CSMD1: variants seen among roughly 807,000 people sequenced by gnomAD.
CSMD1 encodes CUB and sushi domain-containing protein 1.
Under a neutral mutation model 417.5 loss-of-function variants are expected in CSMD1, and 213 were observed. The observed-to-expected ratio is 0.51, with a 90% CI of 0.46 to 0.57. The LOEUF (loss-of-function observed/expected upper bound fraction) is 0.57. CSMD1 is among the 20% of genes least tolerant of loss of function. CSMD1 has a pLI of 0.00. For missense variants in CSMD1, 6,923 were observed against 4,529.7 expected, an observed-to-expected ratio of 1.53 and a Z score of -15.17; for synonymous variants, 2,862 against 1,736.8, an observed-to-expected ratio of 1.65 and a Z score of -16.11.
intron 25 of CSMD1, among the ~76,000 whole-genome samples, chr8:3,303,276 C>G (rs549358011): frequency 6.6e-6 from 1 of 152,102 alleles, no homozygotes; most frequent in South Asian, 2.1e-4. Flanking sequence ...AAGTGTATTT[C>G]CTACTGGGAT....
intron 1 of CSMD1, among the ~76,000 whole-genome samples, chr8:4,690,558 A>T (rs185023687): frequency 6.6e-6 from 1 of 152,314 alleles, no homozygotes; most frequent in Admixed American, 6.5e-5. Flanking sequence ...CGCACTTCAG[A>T]AAAAGGATGA....
At chr8:3,734,352 G>A (rs190356853) in intron 6 of CSMD1, among the ~76,000 whole-genome samples, 4 of 152,148 alleles carry the variant, frequency 2.6e-5, no homozygotes, top group African/African-American at 7.2e-5. Context: ...AGGGCTGTTC[G>A]ACAGCATCGT....
rs569069626 is a variant in CSMD1, at chr8:4,755,993, G to C, written c.86-118435C>G. On this transcript the variant is annotated intron_variant, in intron 1 of 69. Transcript: ENST00000635120. Reference sequence around the variant, plus strand: ...ATCAAACTATATGATGAATTATTTAGTATGTGTGAGTATTAAGTCATTTGC... The same window carrying C: ...ATCAAACTATATGATGAATTATTTACTATGTGTGAGTATTAAGTCATTTGC... Among the ~76,000 whole-genome samples the C allele has an allele frequency of 1.2e-4, 19 of 152,258 alleles. No individual in the cohort carries two copies. In the South Asian group the frequency reaches 3.9e-3, roughly 32 times the overall value.
intron 3 of CSMD1, among the ~76,000 whole-genome samples, chr8:4,038,053 A>G (rs1298511573): frequency 6.6e-6 from 1 of 152,152 alleles, no homozygotes; most frequent in African/African-American, 2.4e-5. Context: ...GAGGCTTAAA[A>G]TTAATTCAAA....
At chr8:4,338,378 T>G (rs1712137049) in intron 3 of CSMD1, among the ~76,000 whole-genome samples, 1 of 152,114 alleles carries the variant, frequency 6.6e-6, no homozygotes. Context: ...ATCTTATGTT[T>G]GCAAATTACG....
intron 1 of CSMD1, among the ~76,000 whole-genome samples, chr8:4,654,844 C>G (rs756960143): frequency 5.3e-5 from 8 of 151,958 alleles, no homozygotes; most frequent in Non-Finnish European, 1.0e-4. Flanking sequence ...TTAAAGACAA[C>G]AAATAATGAT....
chr8:3,105,796 A>G (rs1816095269), intron 46 of CSMD1, among the ~76,000 whole-genome samples: 1 of 152,258 alleles, frequency 6.6e-6, no homozygotes, highest in Non-Finnish European at 1.5e-5. Context: ...TGCATCAAAA[A>G]TATAGCGTAG....
intron 1 of CSMD1, among the ~76,000 whole-genome samples, chr8:4,917,549 G>C (rs927371637): frequency 6.6e-6 from 1 of 152,178 alleles, no homozygotes; most frequent in African/African-American, 2.4e-5. Context: ...CAGGAGAATC[G>C]CTTGAACCCA....
intron 1 of CSMD1, among the ~76,000 whole-genome samples, chr8:4,846,230 A>C (rs1801138112): frequency 6.6e-6 from 1 of 152,226 alleles, no homozygotes; most frequent in African/African-American, 2.4e-5. Context: ...GACCTGTACA[A>C]AAAATATAGC....
intron 1 of CSMD1, among the ~76,000 whole-genome samples, chr8:4,810,740 T>C (rs1441452802): frequency 6.6e-6 from 1 of 152,244 alleles, no homozygotes; most frequent in Non-Finnish European, 1.5e-5. Flanking sequence ...TGTAACAATA[T>C]ATTTGCTCTG....
chr8:2,955,564 T>C (rs1468342854), intron 64 of CSMD1, 25 bp downstream of exon 64: 1 of 1,610,888 alleles, frequency 6.2e-7, no homozygotes, highest in Non-Finnish European at 8.5e-7. Flanking sequence ...TGGAAAAGTA[T>C]GCCACTCCTT....
At chr8:4,601,453 G>T (rs1462883699) in intron 2 of CSMD1, among the ~76,000 whole-genome samples, 1 of 152,112 alleles carries the variant, frequency 6.6e-6, no homozygotes, top group African/African-American at 2.4e-5. Flanking sequence ...CATCTCATCT[G>T]TTCCTGAATG....
At chr8:3,644,734 G>T (rs1052453827) in intron 7 of CSMD1, among the ~76,000 whole-genome samples, 1 of 152,008 alleles carries the variant, frequency 6.6e-6, no homozygotes, top group African/African-American at 2.4e-5. Context: ...TGTCAGGGGG[G>T]TGCAGTGCCA....
At chr8:4,290,552 A>C (rs957036789) in intron 3 of CSMD1, among the ~76,000 whole-genome samples, 11 of 152,192 alleles carry the variant, frequency 7.2e-5, no homozygotes, top group African/African-American at 2.7e-4. Context: ...AAAGATGAAG[A>C]AGGGCCATTC....
chr8:4,633,215 G>C (rs910847519), intron 2 of CSMD1, among the ~76,000 whole-genome samples: 1 of 151,906 alleles, frequency 6.6e-6, no homozygotes, highest in South Asian at 2.1e-4. Context: ...ACAGGCTGTG[G>C]TTAATGGAAA....
rs1320401266 is a variant in CSMD1, at chr8:4,903,626, C to G, written c.85+90706G>C. Among the ~76,000 whole-genome samples, 4 of 152,152 alleles carry G rather than the reference C, an allele frequency of 2.6e-5. No homozygotes were observed. The East Asian group carries it at 7.7e-4, about 29-fold the overall frequency. On this transcript the variant is annotated intron_variant, in intron 1 of 69. Coordinates refer to ENST00000635120, the MANE Select transcript of CSMD1 (RefSeq NM_033225.6). Reference sequence around the variant, plus strand: ...ACATGATAAAACATTATGAAGTAAACTTGGATTAGAAACTCCTTTCTTTGA... The same window carrying G: ...ACATGATAAAACATTATGAAGTAAAGTTGGATTAGAAACTCCTTTCTTTGA...
At chr8:2,979,533 A>C (rs78899288) in intron 54 of CSMD1, among the ~76,000 whole-genome samples, 3,221 of 152,258 alleles carry the variant, frequency 0.021, 106 homozygotes, top group African/African-American at 0.072. Context: ...GACCCACCCC[A>C]CCAGTGAATG....
intron 3 of CSMD1, among the ~76,000 whole-genome samples, chr8:4,102,647 T>C (rs1187884268): frequency 6.6e-6 from 1 of 152,196 alleles, no homozygotes; most frequent in Non-Finnish European, 1.5e-5. Context: ...AAATGTTTTT[T>C]GCTGTAAAAC....
intron 8 of CSMD1, among the ~76,000 whole-genome samples, chr8:3,607,585 G>T (rs957662477): frequency 1.3e-5 from 2 of 152,160 alleles, no homozygotes; most frequent in Non-Finnish European, 2.9e-5. Context: ...AGAGCTAGGA[G>T]ATCACCAGGC....
Sources: allele counts gnomAD v4.1 joint callset (sites outside exome capture counted in the v4.1 genomes callset), GRCh38; gene constraint gnomAD v4.1.1; transcripts MANE v1.5; gene names NCBI Gene and HGNC (gene_info 2026-07-23, HGNC 2026-07-21).